Variants in MIPOL1 observed in about 807,000 individuals in gnomAD.
The protein encoded by MIPOL1 is mirror-image polydactyly 1.
MIPOL1 carries 57 observed loss-of-function variants against 60.9 expected under a neutral mutation model. The ratio of observed to expected loss-of-function variants is 0.94; its 90% CI spans 0.76 to 1.17. The LOEUF is 1.17. Ranked by LOEUF, MIPOL1 falls within the 50% of genes most tolerant of loss-of-function variation. MIPOL1 has a pLI of 0.00. For missense variants in MIPOL1, 551 were observed against 511.6 expected, an observed-to-expected ratio of 1.08 and a Z score of -0.74; for synonymous variants, 179 against 168.8, an observed-to-expected ratio of 1.06 and a Z score of -0.47.
At chr14:37,236,358 T>G (rs1210813510) in intron 1 of MIPOL1, among the ~76,000 whole-genome samples, 1 of 152,190 alleles carries the variant, frequency 6.6e-6, no homozygotes, top group Non-Finnish European at 1.5e-5. Context: ...ATGTCTTCTT[T>G]GGAGAAATGT....
At chr14:37,468,360 A>G (rs954615519) in intron 11 of MIPOL1, among the ~76,000 whole-genome samples, 1 of 152,196 alleles carries the variant, frequency 6.6e-6, no homozygotes. Flanking sequence ...ATGAGAGTCA[A>G]TGTAACATCC....
At chr14:37,231,017 A>G (rs1318271997) in intron 1 of MIPOL1, among the ~76,000 whole-genome samples, 2 of 152,080 alleles carry the variant, frequency 1.3e-5, no homozygotes, top group African/African-American at 4.8e-5. Flanking sequence ...TGGTGGAGTT[A>G]GTGAGTTTTT....
At chr14:37,541,666 C>G (rs915883197) in intron 12 of MIPOL1, among the ~76,000 whole-genome samples, 2 of 152,166 alleles carry the variant, frequency 1.3e-5, no homozygotes, top group Non-Finnish European at 2.9e-5. Flanking sequence ...GAGATCTTAC[C>G]TTTCTATTCC....
At chr14:37,470,842 A>G (rs1372314893) in intron 11 of MIPOL1, among the ~76,000 whole-genome samples, 2 of 152,150 alleles carry the variant, frequency 1.3e-5, no homozygotes, top group South Asian at 2.1e-4. Flanking sequence ...GAAATCAGGG[A>G]AAAAAGGCAT....
chr14:37,324,418 T>C (rs1180461369), intron 9 of MIPOL1, among the ~76,000 whole-genome samples: 1 of 152,110 alleles, frequency 6.6e-6, no homozygotes, highest in Non-Finnish European at 1.5e-5. Flanking sequence ...ATGATTTGAC[T>C]TTTTATTACT....
intron 11 of MIPOL1, among the ~76,000 whole-genome samples, chr14:37,472,905 G>A (rs570428716): frequency 3.9e-5 from 6 of 152,198 alleles, no homozygotes; most frequent in East Asian, 1.9e-4. Flanking sequence ...TAGTAAGCCC[G>A]CCTATGGAGG....
chr14:37,527,713 T>A (rs1280759067), intron 12 of MIPOL1, among the ~76,000 whole-genome samples: 1 of 152,130 alleles, frequency 6.6e-6, no homozygotes, highest in East Asian at 1.9e-4. Context: ...TGTAAATGCT[T>A]AATTATCAAA....
chr14:37,509,221 TTCACTCC>T (rs1459484103), intron 12 of MIPOL1, among the ~76,000 whole-genome samples: 3 of 152,054 alleles, frequency 2.0e-5, no homozygotes, highest in Non-Finnish European at 4.4e-5. Context: ...CTCTTTACTC[TTCACTCC>T]TCACTCCCCT....
intron 10 of MIPOL1, among the ~76,000 whole-genome samples, chr14:37,376,541 CA>C (rs199882098): frequency 6.7e-6 from 1 of 149,818 alleles, no homozygotes; most frequent in East Asian, 2.0e-4. Context: ...CTCTCTTGCT[CA>C]AAAAAAAATC....
chr14:37,527,277 G>A (rs1486112929), intron 12 of MIPOL1, among the ~76,000 whole-genome samples: 3 of 151,844 alleles, frequency 2.0e-5, no homozygotes, highest in Middle Eastern at 3.4e-3. Flanking sequence ...GTGTTAAATT[G>A]TGGTATTTTA....
chr14:37,268,632 A>T (rs753007783), intron 4 of MIPOL1, 26 bp from the exon 5 acceptor site: 2 of 1,544,020 alleles, frequency 1.3e-6, no homozygotes, highest in Non-Finnish European at 1.7e-6. Flanking sequence ...CTTACTCTGA[A>T]ATGTTAATCA....
chr14:37,397,981 G>A lies in MIPOL1; in HGVS notation c.937-24874G>A, dbSNP rs138085606. On this transcript the variant is annotated intron_variant, in intron 10 of 12. Transcript: ENST00000684589. Reference sequence around the variant, plus strand: ...GAATTCATGCCCTCCTGTGAGTTCTGGCCAGGAGGCTTCTTGCCCCATTTA... The same window carrying A: ...GAATTCATGCCCTCCTGTGAGTTCTAGCCAGGAGGCTTCTTGCCCCATTTA... Among the ~76,000 whole-genome samples, 1,323 of 152,192 alleles carry A rather than the reference G, an allele frequency of 8.7e-3. 19 individuals carry two copies. The highest frequency in any genetic ancestry group is 0.029 in the African/African-American group (1,188 of 41,518).
chr14:37,264,743 T>C (rs2082750005), intron 3 of MIPOL1, among the ~76,000 whole-genome samples: 2 of 152,182 alleles, frequency 1.3e-5, no homozygotes, highest in Non-Finnish European at 2.9e-5. Context: ...GTTTTGCAAC[T>C]TTCTTATGAG....
intron 11 of MIPOL1, among the ~76,000 whole-genome samples, chr14:37,478,905 A>G (rs1452853654): frequency 6.6e-6 from 1 of 152,172 alleles, no homozygotes; most frequent in East Asian, 1.9e-4. Flanking sequence ...GTAAAAAAAA[A>G]GACAAAGAGG....
chr14:37,253,346 A>G (rs1470561265), intron 3 of MIPOL1, among the ~76,000 whole-genome samples: 2 of 151,732 alleles, frequency 1.3e-5, no homozygotes, highest in Non-Finnish European at 3.0e-5. Context: ...TTTATATGAA[A>G]TAGAGAGATA....
chr14:37,276,846 A>T (rs887088100), intron 6 of MIPOL1: 7 of 151,246 alleles, frequency 4.6e-5, no homozygotes, highest in Non-Finnish European at 7.4e-5. Context: ...AGATAAGAAC[A>T]TGAAGGCCCA....
intron 11 of MIPOL1, among the ~76,000 whole-genome samples, chr14:37,484,648 A>G (rs2094921252): frequency 6.6e-6 from 1 of 151,962 alleles, no homozygotes; most frequent in African/African-American, 2.4e-5. Context: ...TAGATCTTTT[A>G]TTATAGTCCA....
intron 11 of MIPOL1, among the ~76,000 whole-genome samples, chr14:37,450,880 T>C (rs946590483): frequency 1.3e-5 from 2 of 152,134 alleles, no homozygotes; most frequent in African/African-American, 4.8e-5. Flanking sequence ...ACTTCCTCAT[T>C]GTTTTTAAGT....
intron 11 of MIPOL1, among the ~76,000 whole-genome samples, chr14:37,497,660 G>C (rs142256144): frequency 6.6e-6 from 1 of 152,344 alleles, no homozygotes; most frequent in African/African-American, 2.4e-5. Context: ...GGAAAACATA[G>C]TGAGAACTTG....
Sources: allele counts gnomAD v4.1 joint callset (sites outside exome capture counted in the v4.1 genomes callset), GRCh38; gene constraint gnomAD v4.1.1; transcripts MANE v1.5; gene names NCBI Gene and HGNC (gene_info 2026-07-23, HGNC 2026-07-21).